SLC2A5: variants seen among roughly 807,000 people sequenced by gnomAD.
The protein encoded by SLC2A5 is solute carrier family 2, facilitated glucose transporter member 5.
In SLC2A5, 56 loss-of-function variants were observed where a neutral mutation model predicts 50.3. The observed-to-expected ratio is 1.11, with a 90% CI of 0.90 to 1.39. SLC2A5 has a LOEUF of 1.39. Ranked by LOEUF, SLC2A5 falls within the 40% of genes most tolerant of loss-of-function variation. SLC2A5 has a pLI of 0.00. For missense variants in SLC2A5, 566 were observed against 650.1 expected, an observed-to-expected ratio of 0.87 and a Z score of 1.41; for synonymous variants, 269 against 281.9, an observed-to-expected ratio of 0.95 and a Z score of 0.46.
intron 1 of SLC2A5, among the ~76,000 whole-genome samples, chr1:9,087,050 T>C (rs1642407970): frequency 6.6e-6 from 1 of 152,178 alleles, no homozygotes; most frequent in African/African-American, 2.4e-5. Flanking sequence ...TCCGAATCTA[T>C]GATAAGTCCC....
At chr1:9,060,593 A>G (rs1272612748) in intron 1 of SLC2A5, among the ~76,000 whole-genome samples, 1 of 66,896 alleles carries the variant, frequency 1.5e-5, no homozygotes, top group Non-Finnish European at 3.2e-5. Context: ...CCCCACACAC[A>G]TAGGCAGAAA....
upstream of SLC2A5, chr1:9,069,764 C>T: frequency 1.7e-6 from 1 of 578,398 alleles, no homozygotes; most frequent in South Asian, 2.0e-5. Flanking sequence ...GTGGGTGCCC[C>T]CTGGGGACTG....
intron 3 of SLC2A5, among the ~76,000 whole-genome samples, chr1:9,053,090 A>ATATATATTTATATATAATATATAT (rs1553169446): frequency 0.19 from 18,413 of 97,384 alleles, 2,300 homozygotes; most frequent in Non-Finnish European, 0.22. Flanking sequence ...TTAATATATA[A>ATATATATTTATATATAATATATAT]TATATATTTA....
At chr1:9,082,844 G>A in intron 2 of SLC2A5, 2 of 385,820 alleles carry the variant, frequency 5.2e-6, no homozygotes, top group Non-Finnish European at 9.9e-6. Context: ...CATTCTAGCA[G>A]CAGTTCGATG....
chr1:9,065,541 C>T (rs994665559), intron 1 of SLC2A5, among the ~76,000 whole-genome samples: 10 of 152,298 alleles, frequency 6.6e-5, no homozygotes, highest in South Asian at 6.2e-4. Flanking sequence ...CTCAGTTTCA[C>T]AAACAGGTAG....
upstream of SLC2A5, among the ~76,000 whole-genome samples, chr1:9,074,278 C>G (rs1642257308): frequency 6.6e-6 from 1 of 151,984 alleles, no homozygotes; most frequent in Non-Finnish European, 1.5e-5. Context: ...GTCTATTTTG[C>G]CAAGGTTAAG....
intron 4 of SLC2A5, among the ~76,000 whole-genome samples, chr1:9,046,662 T>C (rs1459073330): frequency 8.3e-6 from 1 of 120,242 alleles, no homozygotes; most frequent in Non-Finnish European, 1.7e-5. Flanking sequence ...GCAACCTGGT[T>C]CTCGTGTGTG....
chr1:9,082,757 C>A, intron 2 of SLC2A5: 1 of 405,474 alleles, frequency 2.5e-6, no homozygotes, highest in Non-Finnish European at 4.7e-6. Flanking sequence ...AATCTTGCAC[C>A]AGGCAGCCCA....
At chr1:9,053,144 TTAA>T (rs1182076599) in intron 3 of SLC2A5, among the ~76,000 whole-genome samples, 1 of 66,224 alleles carries the variant, frequency 1.5e-5, no homozygotes, top group African/African-American at 6.3e-5. Flanking sequence ...TATTTATATG[TTAA>T]TATATATTTT....
chr1:9,085,091 C>T (rs1337122165), exon 2 of SLC2A5: 1 of 152,466 alleles, frequency 6.6e-6, no homozygotes, highest in African/African-American at 2.4e-5. Context: ...CACTCTATGC[C>T]TGCTCTCTGA....
upstream of SLC2A5, chr1:9,072,365 T>A (rs1642229855): frequency 6.6e-6 from 1 of 151,756 alleles, no homozygotes; most frequent in Non-Finnish European, 1.5e-5. Context: ...CCAGCCTAGG[T>A]GACAGAGCAA....
upstream of SLC2A5, among the ~76,000 whole-genome samples, chr1:9,072,681 C>A (rs889750446): frequency 4.0e-5 from 6 of 151,542 alleles, no homozygotes; most frequent in Non-Finnish European, 5.9e-5. Context: ...CTAGGCCAGG[C>A]GTGGTAGCCT....
chr1:9,051,265 CAAAG>C (rs145842598), intron 3 of SLC2A5, among the ~76,000 whole-genome samples: 82 of 151,056 alleles, frequency 5.4e-4, no homozygotes, highest in Middle Eastern at 3.5e-3. Context: ...GAGAGAGAGA[CAAAG>C]AAAGAAAGAA....
intron 1 of SLC2A5, among the ~76,000 whole-genome samples, chr1:9,088,076 C>G (rs557893768): frequency 6.6e-6 from 1 of 152,122 alleles, no homozygotes. Context: ...CCAGGAATAG[C>G]AAAAGGCAAG....
In SLC2A5 at chr1:9,040,190, C is replaced by T; in HGVS notation, c.572-1G>A. On this transcript the variant is annotated splice_acceptor_variant, in intron 5 of 11. Transcript: ENST00000377424. LOFTEE classifies it high-confidence loss of function. This position sits in a 1 kb window ranked among gnomAD's most constrained non-coding sequence, Gnocchi z 4.3. Reference sequence around the variant, plus strand: ...GTCAGCCCCAGCAGGATCGGCCAGCCTGGGAGGAAGGCAGCGAGCTGGCAC... The same window carrying T: ...GTCAGCCCCAGCAGGATCGGCCAGCTTGGGAGGAAGGCAGCGAGCTGGCAC... The T allele has an allele frequency of 1.3e-6, 2 of 1,548,672 alleles. No homozygotes were observed. The highest frequency in any genetic ancestry group is 1.7e-6 in the Non-Finnish European group (2 of 1,147,514).
intron 2 of SLC2A5, among the ~76,000 whole-genome samples, chr1:9,075,914 GCCTCCCAAA>G: frequency 6.6e-6 from 1 of 151,602 alleles, no homozygotes; most frequent in Non-Finnish European, 1.5e-5. Context: ...ACCCACCTCG[GCCTCCCAAA>G]GTGCTGGGAT....
intron 1 of SLC2A5, among the ~76,000 whole-genome samples, chr1:9,085,676 C>G (rs979402502): frequency 1.3e-5 from 2 of 152,178 alleles, no homozygotes; most frequent in African/African-American, 4.8e-5. Context: ...AGAGCCCTGA[C>G]TGAGGAGGAA....
chr1:9,060,628 TACAC>T (rs1419821872), intron 1 of SLC2A5, among the ~76,000 whole-genome samples: 4 of 53,376 alleles, frequency 7.5e-5, no homozygotes, highest in Non-Finnish European at 1.0e-4. Flanking sequence ...ACACCACACA[TACAC>T]ACATACAGCC....
chr1:9,057,626 A>G lies in SLC2A5; in HGVS notation c.133-18T>C, dbSNP rs927325696. ...TGCATGAGCTAGGAGACAAAGCAAA[A>G]CAGAACACCAAAATAATTTGATCCG... On this transcript the variant is annotated intron_variant, in intron 2 of 11. Transcript: ENST00000377424. 1 of 1,605,012 alleles carries G rather than the reference A, an allele frequency of 6.2e-7. No homozygotes were observed.
Sources: allele counts gnomAD v4.1 joint callset (sites outside exome capture counted in the v4.1 genomes callset), GRCh38; gene constraint gnomAD v4.1.1; non-coding constraint Gnocchi (gnomAD v3.1); transcripts MANE v1.5; gene names NCBI Gene and HGNC (gene_info 2026-07-23, HGNC 2026-07-21).